PCDHGA1: variants seen among roughly 807,000 people sequenced by gnomAD.
PCDHGA1 encodes the protein protocadherin gamma subfamily A, 1.
PCDHGA1 carries 32 observed loss-of-function variants against 58.0 expected under a neutral mutation model. That is an observed-to-expected ratio of 0.55 (90% CI 0.42 to 0.74). The LOEUF (loss-of-function observed/expected upper bound fraction) is 0.74, where lower values mean the gene tolerates loss of function less well. PCDHGA1 is among the 30% of genes least tolerant of loss of function. The pLI, the probability that PCDHGA1 is intolerant of heterozygous loss-of-function variation, is 0.00. For synonymous variants in PCDHGA1, 498 were observed against 501.1 expected, an observed-to-expected ratio of 0.99 and a Z score of 0.08; for missense variants, 1,205 against 1,182.3, an observed-to-expected ratio of 1.02 and a Z score of -0.28.
At position 141,399,943 on chromosome 5, in the gene PCDHGA1, C is replaced by A. The variant is rs1334013330; in HGVS notation, c.2421+66838C>A. On this transcript the variant is annotated intron_variant, in intron 1 of 3. Coordinates refer to ENST00000517417, the MANE Select transcript of PCDHGA1 (RefSeq NM_018912.3). Reference sequence around the variant, plus strand: ...CGCCTGGCTGTCCTACCACGTGCTGCAGGCTAGCGAGCCCGGGCTCTTCAG... The same window carrying A: ...CGCCTGGCTGTCCTACCACGTGCTGAAGGCTAGCGAGCCCGGGCTCTTCAG... The A allele has an allele frequency of 3.7e-6, 6 of 1,612,294 alleles. 1 individual carries two copies. The Admixed American group carries it at 1.0e-4, about 27-fold the overall frequency.
intron 1 of PCDHGA1, among the ~76,000 whole-genome samples, chr5:141,492,927 G>C (rs925569925): frequency 6.6e-6 from 1 of 152,180 alleles, no homozygotes; most frequent in Non-Finnish European, 1.5e-5. Context: ...AGCGATCTAG[G>C]GTCAGAGATT....
At chr5:141,408,936 A>T in intron 1 of PCDHGA1, 4 of 1,613,548 alleles carry the variant, frequency 2.5e-6, no homozygotes, top group Non-Finnish European at 1.7e-6. Flanking sequence ...TTCAGCAGAG[A>T]CGAATATAGA....
chr5:141,359,903 A>G (rs989342788), intron 1 of PCDHGA1: 1 of 412,252 alleles, frequency 2.4e-6, no homozygotes, highest in Non-Finnish European at 4.3e-6. Context: ...TTGACAAGCC[A>G]TTAGTGCAGT....
At position 141,334,155 on chromosome 5, in the gene PCDHGA1, G is replaced by A. The variant is rs1303598489; in HGVS notation, c.2421+1050G>A. 3 of 152,234 alleles carry A rather than the reference G, an allele frequency of 2.0e-5. No individual in the cohort carries two copies. The highest frequency in any genetic ancestry group is 6.5e-5 in the Admixed American group (1 of 15,278). 9.4% of individuals were successfully genotyped at this position (152,234 alleles called of 1,614,324 possible). A position where few individuals can be genotyped will look rare whatever the true frequency, so the allele number is the denominator to read the frequency against. On this transcript the variant is annotated intron_variant, in intron 1 of 3. Transcript: ENST00000517417. The surrounding 1 kb of genome is among the most constrained non-coding windows in gnomAD (Gnocchi z 4.6). ...AAGTGGTGAGCTAGTCTAAAGCCAT[G>A]TGAGTTATAGTCTTGGACTTAAAAG...
intron 1 of PCDHGA1, chr5:141,429,216 T>A (rs1590916921): frequency 6.8e-6 from 1 of 146,786 alleles, no homozygotes; most frequent in Admixed American, 6.7e-5. Context: ...GTGTGAAAAG[T>A]GGGTATTATG....
rs374200575 is a variant in PCDHGA1, at chr5:141,432,105, C to T, written c.2422-62702C>T. On this transcript the variant is annotated intron_variant, in intron 1 of 3. Transcript: ENST00000517417. The surrounding 1 kb of genome is among the most constrained non-coding windows in gnomAD (Gnocchi z 6.0). ...AACGTGGCAGACACCAACGACAACC[C>T]GCCGGTCTTCCCTCAGGCCTCCTAT... 1.9e-6 allele frequency: 3 copies of T among 1,614,172 alleles called. No homozygotes were observed. Among genetic ancestry groups the T allele is most frequent in the Admixed American group, 3.3e-5 (2 of 60,032 alleles).
At chr5:141,408,738 C>A in intron 1 of PCDHGA1, 1 of 1,609,632 alleles carries the variant, frequency 6.2e-7, no homozygotes, top group Non-Finnish European at 8.5e-7. Flanking sequence ...CCTTATTTTT[C>A]ATTAATGGTT....
rs774755788 is a variant in PCDHGA1, at chr5:141,331,683, A to T, written c.999A>T (p.Val333=). 5 of 1,613,990 alleles carry T rather than the reference A, an allele frequency of 3.1e-6. No individual in the cohort carries two copies. In the Admixed American group the frequency reaches 8.3e-5, roughly 27 times the overall value. ...DGAGLMAKVK[V]LIKVLDVNDN... is the part of the protein sequence containing the mutation. ...CGGGGCTCATGGCTAAAGTTAAGGT[A>T]CTGATCAAAGTTTTGGATGTAAATG... is the stretch of plus-strand genomic sequence containing the variant. Residue 333 remains valine (V), a synonymous_variant, in exon 1 of 4, where the codon GTA becomes GTT. Transcript: ENST00000517417.
At position 141,415,428 on chromosome 5, in the gene PCDHGA1, G is replaced by T. The variant is rs948747218; in HGVS notation, c.2422-79379G>T. 1.5e-5 allele frequency: 24 copies of T among 1,614,088 alleles called. No individual in the cohort carries two copies. In the Admixed American group the frequency reaches 1.7e-4, roughly 11 times the overall value. ...ACTTTGTGGGCGTGGACGGGGTTCG[G>T]GCTTTCCTGCAGACCTATTCCCACG... On this transcript the variant is annotated intron_variant, in intron 1 of 3. Transcript: ENST00000517417.
At chr5:141,339,802 G>C (rs1436063379) in intron 1 of PCDHGA1, 14 of 1,614,002 alleles carry the variant, frequency 8.7e-6, no homozygotes, top group Non-Finnish European at 1.1e-5. Context: ...ACGCTCAAGT[G>C]GTATATTTTC....
At position 141,372,141 on chromosome 5, in the gene PCDHGA1, G is replaced by C. The variant is rs780330964; in HGVS notation, c.2421+39036G>C. On this transcript the variant is annotated intron_variant, in intron 1 of 3. Coordinates refer to ENST00000517417, the MANE Select transcript of PCDHGA1 (RefSeq NM_018912.3). ...CTTCGATATGGTGCCGCGCTCTGCAGAGCCTGGCTACCTGGTGACCAAGGT... is the reference window on the plus strand; with the variant it reads ...CTTCGATATGGTGCCGCGCTCTGCACAGCCTGGCTACCTGGTGACCAAGGT... 5.0e-6 allele frequency: 8 copies of C among 1,613,774 alleles called. No individual in the cohort carries two copies. The East Asian group carries it at 1.6e-4, about 31-fold the overall frequency.
chr5:141,403,243 T>C (rs1363955978), intron 1 of PCDHGA1: 2 of 1,613,894 alleles, frequency 1.2e-6, no homozygotes, highest in East Asian at 4.5e-5. Context: ...AGCTCTGTGC[T>C]CAGAGCCCGC....
Position 141,485,768 on chromosome 5 carries a change from C to A in PCDHGA1, c.2422-9039C>A, listed in dbSNP as rs759191157. 3.7e-6 allele frequency: 6 copies of A among 1,614,192 alleles called. No individual in the cohort carries two copies. Among genetic ancestry groups the A allele is most frequent in the Middle Eastern group, 1.6e-4 (1 of 6,062 alleles). On this transcript the variant is annotated intron_variant, in intron 1 of 3. Coordinates refer to ENST00000517417, the MANE Select transcript of PCDHGA1 (RefSeq NM_018912.3). The surrounding 1 kb of genome is among the most constrained non-coding windows in gnomAD (Gnocchi z 5.7). ...GGTCCCAGAGCTGCTCCTGGAGAAG[C>A]CTTTGGATCGAGAGAAGCAATCGGA...
At chr5:141,433,605 G>C (rs1411907056) in intron 1 of PCDHGA1, among the ~76,000 whole-genome samples, 1 of 152,114 alleles carries the variant, frequency 6.6e-6, no homozygotes. Context: ...GGAGGCCGAG[G>C]CGGGTGGATC....
intron 1 of PCDHGA1, chr5:141,419,864 C>A (rs1282571542): frequency 6.2e-7 from 1 of 1,613,966 alleles, no homozygotes; most frequent in Non-Finnish European, 8.5e-7. Context: ...AGATAGCTTG[C>A]AAGAGGTACT....
chr5:141,360,321 A>C lies in PCDHGA1; in HGVS notation c.2421+27216A>C, dbSNP rs777240773. 6 of 1,614,004 alleles carry C rather than the reference A, an allele frequency of 3.7e-6. No individual in the cohort carries two copies. In the Admixed American group the frequency reaches 8.3e-5, roughly 22 times the overall value. On this transcript the variant is annotated intron_variant, in intron 1 of 3. Coordinates refer to ENST00000517417, the MANE Select transcript of PCDHGA1 (RefSeq NM_018912.3). ...TGGGGCTCAGCGTCCGGGACTTGCC[A>C]GCCCGGAAGCTGCGGGTTAGCGCGG...
chr5:141,421,384 C>T (rs960627405), intron 1 of PCDHGA1: 5 of 1,613,928 alleles, frequency 3.1e-6, no homozygotes, highest in Non-Finnish European at 4.2e-6. Context: ...CTCCAAGGAC[C>T]TGGGGCTGGA....
chr5:141,460,833 T>G (rs541553903), intron 1 of PCDHGA1, among the ~76,000 whole-genome samples: 2 of 151,928 alleles, frequency 1.3e-5, no homozygotes, highest in African/African-American at 4.8e-5. Flanking sequence ...ACACTTAAAG[T>G]AATGGCCTCC....
At position 141,489,749 on chromosome 5, in the gene PCDHGA1, AC is replaced by A; in HGVS notation, c.2422-5057del. ...GTGGGCACCAATACTGTGAGCTTTT[AC>A]ACTCTAAGCCCCAACAGCCACTTCT... is the stretch of plus-strand genomic sequence containing the variant. On this transcript the variant is annotated intron_variant, in intron 1 of 3. Transcript: ENST00000517417. The surrounding 1 kb of genome is among the most constrained non-coding windows in gnomAD (Gnocchi z 4.5). 6.2e-7 allele frequency: 1 copy of A among 1,614,126 alleles called. No individual in the cohort carries two copies. Among genetic ancestry groups the A allele is most frequent in the Non-Finnish European group, 8.5e-7 (1 of 1,180,002 alleles).
Sources: gnomAD v4.1 joint callset for allele counts (sites outside exome capture counted in the v4.1 genomes callset) on GRCh38, gnomAD v4.1.1 for gene constraint, Gnocchi (gnomAD v3.1) non-coding constraint, MANE v1.5 for transcripts, NCBI Gene and HGNC (gene_info 2026-07-23, HGNC 2026-07-21) for gene names.